The following BBS1 variants were observed in gnomAD, a reference collection of about 807,000 sequenced individuals.
The protein encoded by BBS1 is BBSome complex member BBS1.
A neutral mutation model predicts 73.9 loss-of-function variants in BBS1; 60 were observed. The observed-to-expected ratio is 0.81, with a 90% CI of 0.66 to 1.01. The LOEUF is 1.01. Ranked by LOEUF, BBS1 falls within the 50% of genes least tolerant of loss-of-function variation. The pLI is 0.00. For synonymous variants in BBS1, 283 were observed against 317.4 expected (o/e 0.89, Z 1.15); for missense variants, 718 against 770.3 (o/e 0.93, Z 0.80).
At chr11:66,513,573 G>A (rs1460822887) in intron 3 of BBS1, among the ~76,000 whole-genome samples, 1 of 152,084 alleles carries the variant, frequency 6.6e-6, no homozygotes, top group Non-Finnish European at 1.5e-5. Flanking sequence ...TAGCTGCTTG[G>A]GAGGCTAAGG....
In BBS1 at chr11:66,511,087, T is replaced by G; in HGVS notation, c.122T>G (p.Leu41Arg). The G allele has an allele frequency of 6.2e-7, 1 of 1,614,144 alleles. No individual in the cohort carries two copies. The highest frequency in any genetic ancestry group is 8.5e-7 in the Non-Finnish European group (1 of 1,180,014). ...AATATCCACACCTTTTCTGCCTGCC[T>G]AGGTGAGTCTCTGGAACCAGGAACC... is the stretch of plus-strand genomic sequence containing the variant. ...MANIHTFSAC[L>R]ALADLHGDGE... is the part of the protein sequence containing the mutation. The change falls in exon 2 of 17, where the codon CTA (leucine) becomes CGA (arginine). Residue 41 changes from leucine (L) to arginine (R), a missense_variant and splice_region_variant. Transcript: ENST00000318312.
chr11:66,523,065 C>T, intron 9 of BBS1: 1 of 442,998 alleles, frequency 2.3e-6, no homozygotes, highest in Non-Finnish European at 4.5e-6. Flanking sequence ...ACTGCATTGA[C>T]ACAGGGCAAA....
chr11:66,518,454 CTT>C (rs1295351522), intron 7 of BBS1, among the ~76,000 whole-genome samples: 2 of 133,588 alleles, frequency 1.5e-5, no homozygotes. Flanking sequence ...GATGAGGTTT[CTT>C]TTTTTTTTTT....
In BBS1 at chr11:66,530,918, A is replaced by C. The variant is rs1445972147; in HGVS notation, c.1498A>C (p.Lys500Gln). 15 of 1,613,984 alleles carry C rather than the reference A, an allele frequency of 9.3e-6. No individual in the cohort carries two copies. Among genetic ancestry groups the C allele is most frequent in the Non-Finnish European group, 3.4e-6 (4 of 1,180,008 alleles). The change falls in exon 15 of 17, where the codon AAG (lysine) becomes CAG (glutamine). Residue 500 changes from lysine (K) to glutamine (Q), a missense_variant. Coordinates refer to ENST00000318312, the MANE Select transcript of BBS1 (RefSeq NM_024649.5). ...AVVQGLGPTF[K>Q]LTLHLQNTST... ...GGTTCAGGGCCTTGGCCCCACCTTT[A>C]AGCTCACACTTCACCTGCAGAACAC...
chr11:66,524,130 A>C, intron 11 of BBS1: 4 of 511,342 alleles, frequency 7.8e-6, no homozygotes, highest in East Asian at 4.0e-5. Context: ...AAATACAAAA[A>C]TTAGCCGGGC....
chr11:66,521,419 G>C (rs952495707), intron 9 of BBS1, 43 bp downstream of exon 9: 18 of 1,499,494 alleles, frequency 1.2e-5, no homozygotes, highest in Non-Finnish European at 1.5e-5. Context: ...GAACATCTCA[G>C]AAAACTGGTG....
chr11:66,522,795 A>T (rs1856299858), intron 9 of BBS1: 2 of 259,954 alleles, frequency 7.7e-6, no homozygotes, highest in Non-Finnish European at 1.5e-5. Flanking sequence ...AGAAACCAAG[A>T]TGTTACTACA....
chr11:66,519,722 C>T lies in BBS1; in HGVS notation c.697C>T (p.Pro233Ser), dbSNP rs369222800. The change falls in exon 8 of 17, where the codon CCC becomes TCC. Residue 233 changes from proline to serine, a missense_variant. Physicochemically the swap from Pro to Ser is moderately conservative, Grantham distance 74 (BLOSUM62 -1). Coordinates refer to ENST00000318312, the MANE Select transcript of BBS1 (RefSeq NM_024649.5). The stretch of plus-strand genomic sequence containing the variant: ...GAACAAGGAGCTCCTGGTGCTTGAC[C>T]CCGAGGCCTTCACCATTTTAGCCAA... ...TENKELLVLD[P>S]EAFTILAKMS... is the part of the protein sequence containing the mutation. The T allele has an allele frequency of 1.9e-6, 3 of 1,613,402 alleles. No homozygotes were observed. Among genetic ancestry groups the T allele is most frequent in the Non-Finnish European group, 2.5e-6 (3 of 1,179,938 alleles).
In BBS1 at chr11:66,533,285, G is replaced by A. The variant is rs1258026226; in HGVS notation, c.*1248G>A. The A allele has an allele frequency of 6.6e-6, 1 of 152,162 alleles. No individual in the cohort carries two copies. The highest frequency in any genetic ancestry group is 1.5e-5 in the Non-Finnish European group (1 of 68,028). 9.4% of individuals were successfully genotyped at this position (152,162 alleles called of 1,614,324 possible). A position where few individuals can be genotyped will look rare whatever the true frequency, so the allele number is the denominator to read the frequency against. On this transcript the variant is annotated 3_prime_UTR_variant, in exon 17 of 17. Coordinates refer to ENST00000318312, the MANE Select transcript of BBS1 (RefSeq NM_024649.5). ...TAAAAACACATACCCACTTACTAAT[G>A]TGGAATTACACAGTTTGTAACAAGA...
intron 12 of BBS1, 54 bp from the exon 13 acceptor site, chr11:66,526,595 G>A (rs1856504444): frequency 6.2e-7 from 1 of 1,610,754 alleles, no homozygotes; most frequent in Admixed American, 1.7e-5. Context: ...GAAAGAATGG[G>A]AATGTGGGTA....
At chr11:66,530,836 T>C (rs759118351) in intron 14 of BBS1, 58 bp from the exon 15 acceptor site, 21 of 1,611,990 alleles carry the variant, frequency 1.3e-5, no homozygotes, top group Non-Finnish European at 1.7e-5. Context: ...GAGCACACTG[T>C]ACTCCGTGCC....
At chr11:66,513,117 A>T (rs1418546227) in intron 3 of BBS1, among the ~76,000 whole-genome samples, 2 of 151,958 alleles carry the variant, frequency 1.3e-5, no homozygotes, top group African/African-American at 2.4e-5. Flanking sequence ...TAGATGCTAA[A>T]ATTGAACATG....
chr11:66,530,849 A>G lies in BBS1; in HGVS notation c.1474-45A>G, dbSNP rs147732822. The G allele has an allele frequency of 3.2e-4, 510 of 1,614,108 alleles. 5 individuals are homozygous for G. The East Asian group carries it at 9.6e-3, about 30-fold the overall frequency. On this transcript the variant is annotated intron_variant, in intron 14 of 16. Transcript: ENST00000318312. ...CAGAGCACACTGTACTCCGTGCCCA[A>G]GGCTGCCAGGTCCTAAGGGCTTTCT...
At chr11:66,523,413 G>C in intron 9 of BBS1, 43 bp from the exon 10 acceptor site, 1 of 1,614,086 alleles carries the variant, frequency 6.2e-7, no homozygotes, top group South Asian at 1.1e-5. Context: ...TAGAAGTGGA[G>C]AGGATTTCTC....
At chr11:66,527,971 C>T (rs1356941396) in intron 13 of BBS1, among the ~76,000 whole-genome samples, 3 of 152,228 alleles carry the variant, frequency 2.0e-5, no homozygotes, top group Admixed American at 2.0e-4. Flanking sequence ...TGGCTCATGC[C>T]TATAATCCCA....
intron 3 of BBS1, among the ~76,000 whole-genome samples, chr11:66,512,833 G>A (rs1276732766): frequency 3.3e-5 from 5 of 152,102 alleles, no homozygotes; most frequent in East Asian, 1.9e-4. Context: ...TCAGCCGGGC[G>A]TGGTGGCAGG....
intron 9 of BBS1, among the ~76,000 whole-genome samples, chr11:66,522,170 T>C (rs1433665003): frequency 6.7e-6 from 1 of 150,010 alleles, no homozygotes; most frequent in East Asian, 2.0e-4. Flanking sequence ...TGAGCCGAGA[T>C]CACGCCACTG....
In BBS1 at chr11:66,533,081, T is replaced by C. The variant is rs1485341539; in HGVS notation, c.*1044T>C. ...ATGCCCAGCACCTGATGTAAGTTTATATAATGTAATATTATGTACCTACCA... is the reference window on the plus strand; with the variant it reads ...ATGCCCAGCACCTGATGTAAGTTTACATAATGTAATATTATGTACCTACCA... On this transcript the variant is annotated 3_prime_UTR_variant, in exon 17 of 17. Transcript: ENST00000318312. 1 of 152,186 alleles carries C rather than the reference T, an allele frequency of 6.6e-6. No individual in the cohort carries two copies. The highest frequency in any genetic ancestry group is 1.5e-5 in the Non-Finnish European group (1 of 68,036). The allele number at this position is 152,186 out of a possible 1,614,324, so 9.4% of individuals were successfully genotyped here.
chr11:66,517,744 G>T (rs1308591253), intron 7 of BBS1, among the ~76,000 whole-genome samples: 4 of 151,912 alleles, frequency 2.6e-5, no homozygotes, highest in Admixed American at 2.0e-4. Flanking sequence ...GGGATTACAG[G>T]TGTGAGCCAC....
Sources: allele counts gnomAD v4.1 joint callset (sites outside exome capture counted in the v4.1 genomes callset), GRCh38; gene constraint gnomAD v4.1.1; transcripts MANE v1.5; gene names NCBI Gene and HGNC (gene_info 2026-07-23, HGNC 2026-07-21).